The following EML4 variants were observed in gnomAD, a reference collection of about 807,000 sequenced individuals.
EML4 encodes the protein echinoderm microtubule-associated protein-like 4.
A neutral mutation model predicts 129.0 loss-of-function variants in EML4; 72 were observed. The observed-to-expected ratio is 0.56, with a 90% CI of 0.46 to 0.68. EML4 has a LOEUF of 0.68. Ranked by LOEUF, EML4 falls within the 30% of genes least tolerant of loss-of-function variation. EML4 has a pLI of 0.00. For missense variants in EML4, 1,363 were observed against 1,190.6 expected (o/e 1.14, Z -2.13); for synonymous variants, 532 against 405.0 (o/e 1.31, Z -3.77).
At chr2:42,322,788 G>A (rs956691681) in intron 19 of EML4, among the ~76,000 whole-genome samples, 1 of 152,202 alleles carries the variant, frequency 6.6e-6, no homozygotes, top group Non-Finnish European at 1.5e-5. Context: ...CTTGGGTAGA[G>A]GAAGGACACT....
chr2:42,256,487 T>G lies in EML4; in HGVS notation c.209-14T>G. On this transcript the variant is annotated splice_polypyrimidine_tract_variant and intron_variant, in intron 2 of 22. Coordinates refer to ENST00000318522, the MANE Select transcript of EML4 (RefSeq NM_019063.5). ...TTCAAATTTGATATAATTTTTTTCC[T>G]TAATTATCTTTAGGCCAACCAAGCC... 1.3e-6 allele frequency: 2 copies of G among 1,576,272 alleles called. No individual in the cohort carries two copies. Among genetic ancestry groups the G allele is most frequent in the Non-Finnish European group, 1.7e-6 (2 of 1,165,532 alleles).
chr2:42,193,334 CAT>C (rs753120945), intron 1 of EML4, among the ~76,000 whole-genome samples: 15 of 152,174 alleles, frequency 9.9e-5, no homozygotes, highest in South Asian at 2.1e-4. Flanking sequence ...AGAACTGACA[CAT>C]GTCTGTACTG....
intron 6 of EML4, among the ~76,000 whole-genome samples, chr2:42,273,467 G>T (rs1250387101): frequency 6.6e-6 from 1 of 152,104 alleles, no homozygotes; most frequent in Non-Finnish European, 1.5e-5. Flanking sequence ...TCAAGAAGGT[G>T]GGTAACTGTA....
rs1223295370 is a variant in EML4 at position 42,169,610 on chromosome 2, A to T, written c.-2A>T. The T allele has an allele frequency of 6.3e-7, 1 of 1,599,256 alleles. No individual in the cohort carries two copies. The highest frequency in any genetic ancestry group is 1.4e-5 in the African/African-American group (1 of 73,854). ...CCCGGAGCCCGGCGCTTTCCCCGCAAGATGGACGGTTTCGCCGGCAGTCTC... is the reference window on the plus strand; with the variant it reads ...CCCGGAGCCCGGCGCTTTCCCCGCATGATGGACGGTTTCGCCGGCAGTCTC... On this transcript the variant is annotated 5_prime_UTR_variant, in exon 1 of 23. In the 5' UTR this introduces an upstream ATG that the reference lacks. Coordinates refer to ENST00000318522, the MANE Select transcript of EML4 (RefSeq NM_019063.5).
rs993192338 is a variant in EML4 at position 42,301,464 on chromosome 2, CTT to C, written c.1641+73_1641+74del. On this transcript the variant is annotated intron_variant, in intron 14 of 22. Transcript: ENST00000318522. ...GGTATTTTGTCCCACATTAAGATAA[CTT>C]ATACTTTTCTGGCAAACTTATTAAA... 12 of 1,209,240 alleles carry C rather than the reference CTT, an allele frequency of 9.9e-6. No homozygotes were observed. The African/African-American group carries it at 1.4e-4, about 15-fold the overall frequency. 74.9% of individuals were successfully genotyped at this position (1,209,240 alleles called of 1,614,324 possible). A position where few individuals can be genotyped will look rare whatever the true frequency, so the allele number is the denominator to read the frequency against.
chr2:42,248,092 C>T (rs1023934510), intron 2 of EML4, among the ~76,000 whole-genome samples: 2 of 152,034 alleles, frequency 1.3e-5, no homozygotes, highest in African/African-American at 2.4e-5. Flanking sequence ...CATTCCTCAG[C>T]CTCTGGAGTA....
At chr2:42,248,023 G>A (rs1352074277) in intron 2 of EML4, among the ~76,000 whole-genome samples, 1 of 151,860 alleles carries the variant, frequency 6.6e-6, no homozygotes, top group East Asian at 1.9e-4. Flanking sequence ...TAGGAGACAC[G>A]GTCTTACTCT....
chr2:42,329,035 A>G lies in EML4; in HGVS notation c.2472+19A>G. On this transcript the variant is annotated intron_variant, in intron 22 of 22. Coordinates refer to ENST00000318522, the MANE Select transcript of EML4 (RefSeq NM_019063.5). The stretch of plus-strand genomic sequence containing the variant: ...AGCAAAGGTAAACTCACTTTAATAG[A>G]AACTAATGTTATAAGGCCTTCTGTC... 1 of 1,604,924 alleles carries G rather than the reference A, an allele frequency of 6.2e-7. No homozygotes were observed. Among genetic ancestry groups the G allele is most frequent in the Non-Finnish European group, 8.5e-7 (1 of 1,176,236 alleles).
intron 6 of EML4, chr2:42,265,080 G>T: frequency 2.3e-6 from 2 of 874,780 alleles, no homozygotes; most frequent in Non-Finnish European, 3.5e-6. Flanking sequence ...TGAGCTAGAT[G>T]AATCCAGCTA....
intron 2 of EML4, among the ~76,000 whole-genome samples, chr2:42,249,729 A>G (rs968360646): frequency 2.6e-5 from 4 of 152,176 alleles, no homozygotes; most frequent in Non-Finnish European, 5.9e-5. Context: ...TGCCAGCAGT[A>G]TTTAAAGCTA....
intron 1 of EML4, among the ~76,000 whole-genome samples, chr2:42,233,036 G>T (rs546119942): frequency 2.0e-5 from 3 of 152,128 alleles, no homozygotes; most frequent in Admixed American, 2.0e-4. Context: ...AAGGCCTTTT[G>T]TAAGTATTAA....
Position 42,286,169 on chromosome 2 carries a change from T to G in EML4, c.1012-100T>G, listed in dbSNP as rs778996014. 6 of 761,228 alleles carry G rather than the reference T, an allele frequency of 7.9e-6. No individual in the cohort carries two copies. In the East Asian group the frequency reaches 1.5e-4, roughly 19 times the overall value. 47.2% of individuals were successfully genotyped at this position (761,228 alleles called of 1,614,324 possible). On this transcript the variant is annotated intron_variant, in intron 9 of 22. Coordinates refer to ENST00000318522, the MANE Select transcript of EML4 (RefSeq NM_019063.5). ...AATCTAGTAATTTATTAGAAGCTTA[T>G]CCATCCCTATTACTTTTTTAAATGG...
chr2:42,235,269 T>G (rs1352809038), intron 1 of EML4, among the ~76,000 whole-genome samples: 1 of 147,602 alleles, frequency 6.8e-6, no homozygotes, highest in Non-Finnish European at 1.5e-5. Context: ...GCACTCAGTC[T>G]GGGTGACAAG....
Position 42,315,955 on chromosome 2 carries a change from T to C in EML4, c.1968-7T>C. 1 of 1,603,814 alleles carries C rather than the reference T, an allele frequency of 6.2e-7. No homozygotes were observed. The highest frequency in any genetic ancestry group is 8.5e-7 in the Non-Finnish European group (1 of 1,174,864). ...TGAAGAAAATTTTGATTTTTACTTCTTAACAGGTGGTTTGTTCTGGATGCA... is the reference window on the plus strand; with the variant it reads ...TGAAGAAAATTTTGATTTTTACTTCCTAACAGGTGGTTTGTTCTGGATGCA... On this transcript the variant is annotated splice_polypyrimidine_tract_variant and splice_region_variant and intron_variant, in intron 17 of 22. Coordinates refer to ENST00000318522, the MANE Select transcript of EML4 (RefSeq NM_019063.5).
intron 9 of EML4, 53 bp downstream of exon 9, chr2:42,284,756 G>T: frequency 3.0e-6 from 4 of 1,313,656 alleles, no homozygotes; most frequent in African/African-American, 1.5e-5. Context: ...CTGTTAGAGT[G>T]GAATCTATTG....
chr2:42,324,679 G>A (rs1558613701), intron 19 of EML4, among the ~76,000 whole-genome samples: 1 of 152,238 alleles, frequency 6.6e-6, no homozygotes, highest in Admixed American at 6.5e-5. Flanking sequence ...ACCACAGACT[G>A]TAGGAGGTAA....
intron 1 of EML4, among the ~76,000 whole-genome samples, chr2:42,214,342 G>A (rs746898379): frequency 6.6e-6 from 1 of 152,076 alleles, no homozygotes; most frequent in Admixed American, 6.5e-5. Context: ...ATTATAAGGC[G>A]TTTGTATATT....
At chr2:42,268,020 A>G (rs1049033336) in intron 6 of EML4, among the ~76,000 whole-genome samples, 4 of 152,224 alleles carry the variant, frequency 2.6e-5, no homozygotes, top group Non-Finnish European at 5.9e-5. Context: ...CATGTATAAA[A>G]TTGCTTATTG....
intron 13 of EML4, among the ~76,000 whole-genome samples, chr2:42,298,447 A>C (rs1668076674): frequency 6.6e-6 from 1 of 152,228 alleles, no homozygotes; most frequent in African/African-American, 2.4e-5. Flanking sequence ...GATTTCAAAC[A>C]TTATTTGGCA....
Sources: gnomAD v4.1 joint callset for allele counts (sites outside exome capture counted in the v4.1 genomes callset) on GRCh38, gnomAD v4.1.1 for gene constraint, MANE v1.5 for transcripts, NCBI Gene and HGNC (gene_info 2026-07-23, HGNC 2026-07-21) for gene names.